RALYL: variants seen among roughly 807,000 people sequenced by gnomAD.
RALYL encodes RALY RNA binding protein like.
RALYL carries 29 observed loss-of-function variants against 35.1 expected under a neutral mutation model. That is an observed-to-expected ratio of 0.83 (90% confidence interval 0.61 to 1.13). The LOEUF (loss-of-function observed/expected upper bound fraction) is 1.13. Ranked by LOEUF, RALYL falls within the 50% of genes most tolerant of loss-of-function variation. RALYL has a pLI of 0.00. For missense variants in RALYL, 359 were observed against 360.4 expected (o/e 1.00, Z 0.03); for synonymous variants, 120 against 127.6 (o/e 0.94, Z 0.40).
intron 1 of RALYL, among the ~76,000 whole-genome samples, chr8:84,385,231 T>C (rs994042859): frequency 4.0e-5 from 6 of 151,786 alleles, no homozygotes; most frequent in Non-Finnish European, 5.9e-5. Context: ...ACTTTTACAT[T>C]CCAAACTTGT....
At chr8:84,690,432 G>A (rs998084321) in intron 2 of RALYL, among the ~76,000 whole-genome samples, 6 of 152,196 alleles carry the variant, frequency 3.9e-5, no homozygotes, top group African/African-American at 1.2e-4. Context: ...AGTTTTGCAG[G>A]ATGAATAAGT....
At chr8:84,461,670 A>T (rs964645271) in intron 1 of RALYL, among the ~76,000 whole-genome samples, 1 of 151,762 alleles carries the variant, frequency 6.6e-6, no homozygotes, top group Non-Finnish European at 1.5e-5. Flanking sequence ...AAAGAATGTT[A>T]TACTTCTTCA....
In RALYL at chr8:84,229,828, C is replaced by A. The variant is rs143021703; in HGVS notation, c.-24+45404C>A. On this transcript the variant is annotated intron_variant, in intron 1 of 8. Coordinates refer to ENST00000521268, the MANE Select transcript of RALYL (RefSeq NM_173848.7). ...CCAAGGTTGGGCACAATTGTAGTGG[C>A]AGAGCTGAGACTGGAACTCACAGTT... Among the ~76,000 whole-genome samples, 7 of 152,248 alleles carry A rather than the reference C, an allele frequency of 4.6e-5. No homozygotes were observed. In the East Asian group the frequency reaches 1.4e-3, roughly 29 times the overall value.
chr8:84,680,762 A>AT (rs1482106032), intron 2 of RALYL, among the ~76,000 whole-genome samples: 12 of 152,068 alleles, frequency 7.9e-5, no homozygotes, highest in South Asian at 6.2e-4. Flanking sequence ...CCTTCGTCAG[A>AT]TGAGTAGGTT....
At chr8:84,755,363 AACAGAAGC>A (rs1178971520) in intron 2 of RALYL, among the ~76,000 whole-genome samples, 1 of 152,204 alleles carries the variant, frequency 6.6e-6, no homozygotes, top group African/African-American at 2.4e-5. Context: ...ACAAGCTGTC[AACAGAAGC>A]ACCTTCTCAA....
At position 84,598,193 on chromosome 8, in the gene RALYL, G is replaced by A. The variant is rs567595319; in HGVS notation, c.256+68616G>A. Among the ~76,000 whole-genome samples the A allele has an allele frequency of 2.6e-5, 4 of 152,204 alleles. No individual in the cohort carries two copies. In the South Asian group the frequency reaches 8.3e-4, roughly 32 times the overall value. On this transcript the variant is annotated intron_variant, in intron 2 of 8. Coordinates refer to ENST00000521268, the MANE Select transcript of RALYL (RefSeq NM_173848.7). ...TTACTTATTTATTTTTAGGGGCAGGGTCTTGCTCTCTCACCCAACCTGGGT... is the reference window on the plus strand; with the variant it reads ...TTACTTATTTATTTTTAGGGGCAGGATCTTGCTCTCTCACCCAACCTGGGT...
At chr8:84,542,499 G>C (rs2060088235) in intron 2 of RALYL, among the ~76,000 whole-genome samples, 1 of 137,954 alleles carries the variant, frequency 7.2e-6, no homozygotes, top group South Asian at 2.6e-4. Context: ...GGACCATTTG[G>C]GAAGTAATTG....
At chr8:84,339,341 C>A (rs187865414) in intron 1 of RALYL, among the ~76,000 whole-genome samples, 95 of 152,104 alleles carry the variant, frequency 6.2e-4, no homozygotes, top group Admixed American at 1.4e-3. Context: ...CAGCCACTCC[C>A]AATTCCTCGC....
At chr8:84,424,821 A>G (rs920282412) in intron 1 of RALYL, among the ~76,000 whole-genome samples, 59 of 152,152 alleles carry the variant, frequency 3.9e-4, no homozygotes, top group Middle Eastern at 3.4e-3. Flanking sequence ...GTGAGGTGTC[A>G]GTGTGCCCCT....
chr8:84,855,314 A>C (rs1178856237), intron 5 of RALYL, among the ~76,000 whole-genome samples: 1 of 152,200 alleles, frequency 6.6e-6, no homozygotes, highest in Non-Finnish European at 1.5e-5. Context: ...CTTAATAACT[A>C]ACATATGTCC....
intron 2 of RALYL, among the ~76,000 whole-genome samples, chr8:84,544,977 T>C (rs2060260821): frequency 6.6e-6 from 1 of 152,074 alleles, no homozygotes; most frequent in Non-Finnish European, 1.5e-5. Context: ...TTAAATTCAT[T>C]AACCTTTTCA....
At chr8:84,488,000 A>G (rs13251115) in intron 1 of RALYL, among the ~76,000 whole-genome samples, 1 of 152,054 alleles carries the variant, frequency 6.6e-6, no homozygotes, top group Non-Finnish European at 1.5e-5. Flanking sequence ...TGAAACATTA[A>G]CTTTGCATTT....
intron 2 of RALYL, among the ~76,000 whole-genome samples, chr8:84,769,732 G>A (rs907128767): frequency 2.0e-5 from 3 of 152,044 alleles, no homozygotes; most frequent in African/African-American, 7.3e-5. Flanking sequence ...GTGAGACTCT[G>A]TCTCAGAGAA....
chr8:84,729,286 G>A (rs915855514), intron 2 of RALYL, among the ~76,000 whole-genome samples: 1 of 151,972 alleles, frequency 6.6e-6, no homozygotes, highest in African/African-American at 2.4e-5. Context: ...GTCTGTTCTT[G>A]GTGTATAAGA....
chr8:84,837,610 T>C (rs910466481), intron 4 of RALYL, among the ~76,000 whole-genome samples: 1 of 152,200 alleles, frequency 6.6e-6, no homozygotes, highest in Admixed American at 6.5e-5. Flanking sequence ...TGAAAAAGTT[T>C]AAATGAAATT....
intron 5 of RALYL, among the ~76,000 whole-genome samples, chr8:84,852,049 T>G (rs147026774): frequency 1.1e-3 from 162 of 152,316 alleles, no homozygotes; most frequent in Non-Finnish European, 2.8e-4. Context: ...AGAGACACAG[T>G]CATTTTCCGA....
intron 1 of RALYL, among the ~76,000 whole-genome samples, chr8:84,277,719 T>G (rs1835698705): frequency 6.6e-6 from 1 of 152,208 alleles, no homozygotes; most frequent in Admixed American, 6.5e-5. Flanking sequence ...ATTACAGGCC[T>G]CATGCCAAGT....
At chr8:84,899,463 CAT>C (rs1481106265) in intron 8 of RALYL, among the ~76,000 whole-genome samples, 1 of 152,130 alleles carries the variant, frequency 6.6e-6, no homozygotes, top group Non-Finnish European at 1.5e-5. Context: ...CTACCTCAAA[CAT>C]ATTATGAGCA....
intron 1 of RALYL, among the ~76,000 whole-genome samples, chr8:84,289,932 T>C (rs987057412): frequency 6.6e-6 from 1 of 152,196 alleles, no homozygotes; most frequent in Non-Finnish European, 1.5e-5. Flanking sequence ...TTCCACTAGA[T>C]TCCTTAGTTT....
Sources: gnomAD v4.1 joint callset for allele counts (sites outside exome capture counted in the v4.1 genomes callset) on GRCh38, gnomAD v4.1.1 for gene constraint, MANE v1.5 for transcripts, NCBI Gene and HGNC (gene_info 2026-07-23, HGNC 2026-07-21) for gene names.